The following CNTNAP2 variants were observed in gnomAD, a reference collection of about 807,000 sequenced individuals.
The protein encoded by CNTNAP2 is contactin-associated protein-like 2.
In CNTNAP2, 98 loss-of-function variants were observed where a neutral mutation model predicts 155.2. The ratio of observed to expected loss-of-function variants is 0.63; its 90% CI spans 0.54 to 0.75. The LOEUF (loss-of-function observed/expected upper bound fraction) is 0.75, where lower values mean the gene tolerates loss of function less well. Among genes scored for constraint, CNTNAP2 ranks in the 30% least tolerant of loss-of-function variants. CNTNAP2 has a pLI of 0.00. For missense variants in CNTNAP2, 1,727 were observed against 1,688.1 expected (o/e 1.02, Z -0.40); for synonymous variants, 651 against 631.2 (o/e 1.03, Z -0.47).
intron 1 of CNTNAP2, among the ~76,000 whole-genome samples, chr7:146,387,391 C>T (rs957562529): frequency 1.4e-4 from 21 of 152,156 alleles, no homozygotes; most frequent in African/African-American, 5.1e-4. Flanking sequence ...GCCTACTCCC[C>T]TTCAGCCCTA....
chr7:148,028,040 T>G (rs368683094), intron 15 of CNTNAP2, among the ~76,000 whole-genome samples: 12 of 152,316 alleles, frequency 7.9e-5, no homozygotes, highest in East Asian at 1.9e-4. Context: ...TTCATACTCA[T>G]AAACATTCTC....
intron 18 of CNTNAP2, among the ~76,000 whole-genome samples, chr7:148,173,735 A>G (rs1350045969): frequency 2.0e-5 from 3 of 152,260 alleles, no homozygotes; most frequent in Admixed American, 6.5e-5. Flanking sequence ...ATGGGCCTGC[A>G]GAACACATTA....
chr7:146,352,039 T>A (rs757023692), intron 1 of CNTNAP2, among the ~76,000 whole-genome samples: 63 of 152,312 alleles, frequency 4.1e-4, no homozygotes, highest in South Asian at 8.3e-4. Flanking sequence ...TTAAGTACAT[T>A]TTCAAGGTCA....
chr7:146,923,139 T>G (rs1049686025), intron 3 of CNTNAP2, among the ~76,000 whole-genome samples: 1 of 152,180 alleles, frequency 6.6e-6, no homozygotes, highest in Non-Finnish European at 1.5e-5. Context: ...GTTTCCTCTC[T>G]GTGTTTTAGG....
chr7:146,822,587 A>C (rs985620854), intron 2 of CNTNAP2, among the ~76,000 whole-genome samples: 16 of 150,768 alleles, frequency 1.1e-4, no homozygotes, highest in Non-Finnish European at 1.6e-4. Flanking sequence ...TTTTCTAATG[A>C]GACCTTTTGT....
chr7:148,323,513 T>C (rs913683416), intron 21 of CNTNAP2, among the ~76,000 whole-genome samples: 10 of 152,062 alleles, frequency 6.6e-5, no homozygotes, highest in Admixed American at 6.6e-4. Context: ...GTCTGGTTAA[T>C]GTTAGAGAAA....
intron 11 of CNTNAP2, among the ~76,000 whole-genome samples, chr7:147,552,804 C>T (rs1384504371): frequency 6.6e-6 from 1 of 152,166 alleles, no homozygotes; most frequent in Non-Finnish European, 1.5e-5. Context: ...TGTTCAAATC[C>T]TGGCTCTGCC....
intron 4 of CNTNAP2, among the ~76,000 whole-genome samples, chr7:147,061,531 T>C (rs1482414525): frequency 7.3e-6 from 1 of 136,360 alleles, no homozygotes; most frequent in Non-Finnish European, 1.5e-5. Context: ...CGTGTCATTG[T>C]GTGCACACAC....
chr7:147,889,071 T>C (rs1799644096), intron 13 of CNTNAP2, among the ~76,000 whole-genome samples: 1 of 152,118 alleles, frequency 6.6e-6, no homozygotes, highest in African/African-American at 2.4e-5. Context: ...AGAATAAATA[T>C]ACTATGTTGA....
chr7:147,648,389 C>T (rs1795401483), intron 13 of CNTNAP2, among the ~76,000 whole-genome samples: 1 of 152,122 alleles, frequency 6.6e-6, no homozygotes, highest in South Asian at 2.1e-4. Flanking sequence ...CAAAGTTACG[C>T]AAAGTAGATT....
chr7:148,179,484 G>T (rs1338518633), intron 18 of CNTNAP2, among the ~76,000 whole-genome samples: 1 of 150,536 alleles, frequency 6.6e-6, no homozygotes. Context: ...TTTAGCCTGG[G>T]CAACAGAGCA....
intron 3 of CNTNAP2, among the ~76,000 whole-genome samples, chr7:146,864,990 T>TAAA (rs55646482): frequency 0.035 from 2,929 of 83,830 alleles, 97 homozygotes; most frequent in Non-Finnish European, 0.04. Flanking sequence ...AGAGTCTATC[T>TAAA]AAAAAAAAAA....
intron 9 of CNTNAP2, among the ~76,000 whole-genome samples, chr7:147,324,551 A>T (rs1452065384): frequency 6.6e-6 from 1 of 152,186 alleles, no homozygotes; most frequent in Non-Finnish European, 1.5e-5. Flanking sequence ...GGTTAAAGAC[A>T]TACTTTAGAA....
chr7:147,130,475 AG>A (rs1206383149), intron 7 of CNTNAP2, among the ~76,000 whole-genome samples: 1 of 152,120 alleles, frequency 6.6e-6, no homozygotes, highest in African/African-American at 2.4e-5. Context: ...GAATAAAAAA[AG>A]ATTATGGATT....
intron 17 of CNTNAP2, among the ~76,000 whole-genome samples, chr7:148,150,427 A>G (rs1805276037): frequency 6.6e-6 from 1 of 152,124 alleles, no homozygotes. Flanking sequence ...GGGTGCCTGT[A>G]GTCCCAGCTA....
intron 8 of CNTNAP2, among the ~76,000 whole-genome samples, chr7:147,276,876 C>T (rs1244850559): frequency 6.6e-6 from 1 of 151,752 alleles, no homozygotes; most frequent in Non-Finnish European, 1.5e-5. Context: ...AATTGGAATA[C>T]AATGTGCAAT....
intron 10 of CNTNAP2, among the ~76,000 whole-genome samples, chr7:147,399,986 C>T (rs1796884446): frequency 6.6e-6 from 1 of 152,132 alleles, no homozygotes; most frequent in Middle Eastern, 3.2e-3. Context: ...CCAGAGATAA[C>T]ATTTTTGTTT....
chr7:146,741,280 G>A (rs1353894703), intron 1 of CNTNAP2, among the ~76,000 whole-genome samples: 2 of 152,112 alleles, frequency 1.3e-5, no homozygotes, highest in Non-Finnish European at 2.9e-5. Flanking sequence ...ATAGATAGCT[G>A]TTCAGATTGA....
At chr7:147,242,987 A>ATTTTTCTTTTTTTT (rs1803975127) in intron 8 of CNTNAP2, among the ~76,000 whole-genome samples, 1 of 47,164 alleles carries the variant, frequency 2.1e-5, no homozygotes, top group African/African-American at 8.5e-5. Context: ...TATGCTTTGC[A>ATTTTTCTTTTTTTT]TTTTTTTTTT....
Sources: gnomAD v4.1 joint callset for allele counts (sites outside exome capture counted in the v4.1 genomes callset) on GRCh38, gnomAD v4.1.1 for gene constraint, MANE v1.5 for transcripts, NCBI Gene and HGNC (gene_info 2026-07-23, HGNC 2026-07-21) for gene names.